The following SLF1 variants were observed in gnomAD, a reference collection of about 807,000 sequenced individuals.
SLF1 encodes SMC5/6 complex localization factor 1, also known as SMC5-SMC6 complex localization factor protein 1.
A neutral mutation model predicts 123.0 loss-of-function variants in SLF1; 105 were observed. The observed-to-expected ratio is 0.85, with a 90% CI of 0.73 to 1.00. The LOEUF (loss-of-function observed/expected upper bound fraction) is 1.00, where lower values mean the gene tolerates loss of function less well. SLF1 is among the 50% of genes least tolerant of loss of function. The probability of loss-of-function intolerance (pLI) is 0.00; values close to 1 mark genes in which losing one functional copy is unlikely to be tolerated. For synonymous variants in SLF1, 434 were observed against 406.6 expected (o/e 1.07, Z -0.81); for missense variants, 1,239 against 1,223.0 (o/e 1.01, Z -0.20).
At chr5:94,649,272 C>G (rs1382117080) in intron 5 of SLF1, among the ~76,000 whole-genome samples, 182 bp from the exon 6 acceptor site, 1 of 152,174 alleles carries the variant, frequency 6.6e-6, no homozygotes, top group African/African-American at 2.4e-5. Context: ...AGGACCTTTA[C>G]TATCATGATT....
At chr5:94,640,293 C>A (rs536506078) in intron 4 of SLF1, among the ~76,000 whole-genome samples, 7 of 152,108 alleles carry the variant, frequency 4.6e-5, no homozygotes, top group African/African-American at 1.7e-4. Flanking sequence ...CACTTTAATT[C>A]GTAATTAAAG....
In SLF1 at chr5:94,654,705, G is replaced by A. The variant is rs1055348784; in HGVS notation, c.1108G>A (p.Val370Ile). 4 of 1,543,874 alleles carry A rather than the reference G, an allele frequency of 2.6e-6. No homozygotes were observed. The highest frequency in any genetic ancestry group is 3.5e-6 in the Non-Finnish European group (4 of 1,143,132). The change falls in exon 9 of 21, where the codon GTT becomes ATT. Residue 370 changes from valine (V) to isoleucine (I), a missense_variant. By Grantham distance (29) the Val-to-Ile change is conservative (BLOSUM62 3). Transcript: ENST00000265140. ...KAMAIKTDVDVVEIKNTLRKH... is the reference protein window; with the variant it reads ...KAMAIKTDVDIVEIKNTLRKH... ...CATGGCTATTAAGACAGATGTGGAT[G>A]TTGTTGAAATAAAAAATACCTTAAG...
intron 15 of SLF1, among the ~76,000 whole-genome samples, chr5:94,683,890 T>C (rs565456779): frequency 6.6e-6 from 1 of 152,376 alleles, no homozygotes. Flanking sequence ...AAATGTTTAC[T>C]CTGTACAGAT....
At chr5:94,675,670 G>A (rs1750962822) in intron 14 of SLF1, among the ~76,000 whole-genome samples, 1 of 152,108 alleles carries the variant, frequency 6.6e-6, no homozygotes, top group Non-Finnish European at 1.5e-5. Flanking sequence ...TGGCTATGTA[G>A]TAGTGTGCAT....
Position 94,695,999 on chromosome 5 carries a change from TG to T in SLF1, c.*688del, listed in dbSNP as rs1753489922. On this transcript the variant is annotated 3_prime_UTR_variant, in exon 21 of 21. Coordinates refer to ENST00000265140, the MANE Select transcript of SLF1 (RefSeq NM_032290.4). Reference sequence around the variant, plus strand: ...CGCTGCCCTATGTAACCCAGTATTCTGTACCTGAAAACATTCTGCTGCATAG... The same window carrying T: ...CGCTGCCCTATGTAACCCAGTATTCTTACCTGAAAACATTCTGCTGCATAG... 1 of 151,868 alleles carries T rather than the reference TG, an allele frequency of 6.6e-6. No homozygotes were observed. The highest frequency in any genetic ancestry group is 2.4e-5 in the African/African-American group (1 of 41,400). 9.4% of individuals were successfully genotyped at this position (151,868 alleles called of 1,614,324 possible).
intron 4 of SLF1, among the ~76,000 whole-genome samples, chr5:94,633,918 A>G (rs1201212892): frequency 6.6e-6 from 1 of 152,154 alleles, no homozygotes; most frequent in Non-Finnish European, 1.5e-5. Flanking sequence ...TTTTTGAGGT[A>G]AAAACTTGGA....
At chr5:94,632,156 CT>C (rs1205064508) in intron 4 of SLF1, among the ~76,000 whole-genome samples, 1 of 151,898 alleles carries the variant, frequency 6.6e-6, no homozygotes, top group African/African-American at 2.4e-5. Context: ...ATGAGAGTTC[CT>C]GTTGCTCTGA....
At chr5:94,628,782 A>G in intron 1 of SLF1, 29 bp from the exon 2 acceptor site, 1 of 1,435,960 alleles carries the variant, frequency 7.0e-7, no homozygotes, top group Non-Finnish European at 9.4e-7. Context: ...TTTAACACAC[A>G]TTATCTTCTG....
intron 10 of SLF1, among the ~76,000 whole-genome samples, chr5:94,662,688 G>C (rs1451379217): frequency 1.3e-5 from 2 of 152,084 alleles, no homozygotes; most frequent in Admixed American, 1.3e-4. Context: ...ATTTACAAAA[G>C]TGTATTTTGT....
At chr5:94,623,375 A>G (rs1029238135) in intron 1 of SLF1, among the ~76,000 whole-genome samples, 4 of 152,180 alleles carry the variant, frequency 2.6e-5, no homozygotes, top group African/African-American at 4.8e-5. Context: ...GATTTTAATA[A>G]TTACTACAAA....
chr5:94,623,193 A>G (rs1312105688), intron 1 of SLF1, among the ~76,000 whole-genome samples: 2 of 152,182 alleles, frequency 1.3e-5, no homozygotes, highest in African/African-American at 4.8e-5. Context: ...ACCAACTACA[A>G]AGGAATTTCA....
chr5:94,683,322 A>C (rs1424200966), intron 15 of SLF1, among the ~76,000 whole-genome samples: 1 of 152,162 alleles, frequency 6.6e-6, no homozygotes, highest in African/African-American at 2.4e-5. Flanking sequence ...TATTCAGCAA[A>C]ATTTTATTGG....
At chr5:94,670,390 A>G (rs1750305592) in intron 13 of SLF1, 111 bp downstream of exon 13, 2 of 913,914 alleles carry the variant, frequency 2.2e-6, no homozygotes, top group Non-Finnish European at 3.1e-6. Context: ...CTTATTTTCT[A>G]TTTTAAGATA....
At position 94,695,171 on chromosome 5, in the gene SLF1, T is replaced by C. The variant is rs1753440835; in HGVS notation, c.3036T>C (p.Ala1012=). 4 of 1,612,728 alleles carry C rather than the reference T, an allele frequency of 2.5e-6. No homozygotes were observed. The highest frequency in any genetic ancestry group is 3.4e-6 in the Non-Finnish European group (4 of 1,179,152). Residue 1012 remains alanine (A), a synonymous_variant, in exon 21 of 21, where the codon GCT becomes GCC. Transcript: ENST00000265140. ...CTGACTGGTTACTGGATCTTTATGC[T>C]GGAAATATAAAGACATTGCAGAAAC... The part of the protein sequence containing the change: ...VHTDWLLDLY[A]GNIKTLQKLP...
At chr5:94,691,685 C>A (rs1185159087) in intron 19 of SLF1, 29 bp downstream of exon 19, 2 of 1,507,324 alleles carry the variant, frequency 1.3e-6, no homozygotes, top group Non-Finnish European at 1.8e-6. Context: ...TGGTCTAGTC[C>A]AATGTCTTAA....
intron 20 of SLF1, among the ~76,000 whole-genome samples, chr5:94,694,252 A>G (rs886853540): frequency 6.6e-6 from 1 of 151,950 alleles, no homozygotes; most frequent in Non-Finnish European, 1.5e-5. Context: ...TTTAACTAGT[A>G]TAGATGGATG....
At chr5:94,656,803 T>C (rs557596330) in intron 9 of SLF1, among the ~76,000 whole-genome samples, 3 of 151,818 alleles carry the variant, frequency 2.0e-5, no homozygotes, top group African/African-American at 7.2e-5. Flanking sequence ...TTTGTGTTTC[T>C]GTGATATCAA....
At chr5:94,685,298 A>C (rs1459650386) in intron 15 of SLF1, among the ~76,000 whole-genome samples, 1 of 152,232 alleles carries the variant, frequency 6.6e-6, no homozygotes, top group Non-Finnish European at 1.5e-5. Flanking sequence ...CTTAATGCTT[A>C]TAATTTTAAT....
intron 16 of SLF1, 123 bp downstream of exon 16, chr5:94,686,841 G>A (rs539412906): frequency 8.7e-7 from 1 of 1,144,648 alleles, no homozygotes. Context: ...AGGCTGGAGT[G>A]CAGTGGCGCA....
Sources: allele counts gnomAD v4.1 joint callset (sites outside exome capture counted in the v4.1 genomes callset), GRCh38; gene constraint gnomAD v4.1.1; transcripts MANE v1.5; gene names NCBI Gene and HGNC (gene_info 2026-07-23, HGNC 2026-07-21).